Variants in VAC14 observed in about 807,000 individuals in gnomAD.
The protein encoded by VAC14 is protein VAC14 homolog.
A neutral mutation model predicts 85.3 loss-of-function variants in VAC14; 47 were observed. That is an observed-to-expected ratio of 0.55 (90% CI 0.44 to 0.70). The LOEUF is 0.70. Ranked by LOEUF, VAC14 falls within the 30% of genes least tolerant of loss-of-function variation. The probability of loss-of-function intolerance (pLI) is 0.00; values close to 1 mark genes in which losing one functional copy is unlikely to be tolerated. For synonymous variants in VAC14, 447 were observed against 430.5 expected, an observed-to-expected ratio of 1.04 and a Z score of -0.47; for missense variants, 861 against 1,004.3, an observed-to-expected ratio of 0.86 and a Z score of 1.93.
chr16:70,772,347 G>A (rs538527329), intron 9 of VAC14, 175 bp from the exon 10 acceptor site: 14 of 586,662 alleles, frequency 2.4e-5, no homozygotes, highest in South Asian at 1.3e-4. Context: ...AGTCATTCTC[G>A]ATAGTCCCCA....
chr16:70,784,627 G>T, intron 4 of VAC14, 149 bp downstream of exon 4: 1 of 803,914 alleles, frequency 1.2e-6, no homozygotes, highest in Non-Finnish European at 2.1e-6. Context: ...CGATATTCTT[G>T]TCATAGAACT....
At chr16:70,718,745 C>G (rs930085669) in intron 14 of VAC14, among the ~76,000 whole-genome samples, 1 of 152,106 alleles carries the variant, frequency 6.6e-6, no homozygotes, top group East Asian at 1.9e-4. Flanking sequence ...CCACTCACAG[C>G]ACCCCTCAGC....
intron 12 of VAC14, among the ~76,000 whole-genome samples, chr16:70,748,405 G>T (rs1321572653): frequency 1.3e-5 from 2 of 152,230 alleles, no homozygotes; most frequent in African/African-American, 4.8e-5. Context: ...ACCCAGTGAT[G>T]ATGCCTGGGG....
intron 14 of VAC14, among the ~76,000 whole-genome samples, chr16:70,712,947 A>T (rs2054067408): frequency 6.6e-6 from 1 of 152,142 alleles, no homozygotes; most frequent in South Asian, 2.1e-4. Flanking sequence ...TGGCCACGAT[A>T]GTGGAGCTTT....
chr16:70,787,943 G>C (rs376650156), intron 1 of VAC14, among the ~76,000 whole-genome samples: 2 of 152,228 alleles, frequency 1.3e-5, no homozygotes, highest in East Asian at 3.9e-4. Flanking sequence ...GGAAGCGTGA[G>C]GGATGACACT....
At chr16:70,764,811 C>G (rs147902750) in intron 10 of VAC14, among the ~76,000 whole-genome samples, 2 of 152,190 alleles carry the variant, frequency 1.3e-5, no homozygotes, top group Non-Finnish European at 2.9e-5. Context: ...ACGTGGCTGC[C>G]GCGGAGGCCC....
At position 70,714,665 on chromosome 16, in the gene VAC14, C is replaced by G. The variant is rs911964484; in HGVS notation, c.1662-15854G>C. 4 of 152,218 alleles carry G rather than the reference C, an allele frequency of 2.6e-5. No homozygotes were observed. In the East Asian group the frequency reaches 7.7e-4, roughly 29 times the overall value. 9.4% of individuals were successfully genotyped at this position (152,218 alleles called of 1,614,324 possible). A position where few individuals can be genotyped will look rare whatever the true frequency, so the allele number is the denominator to read the frequency against. ...AGCCAGCGTACCCTGAAGAGCCAAA[C>G]AAGTCCATGGCAGGGATGTCTGCGG... is the stretch of plus-strand genomic sequence containing the variant. On this transcript the variant is annotated intron_variant, in intron 14 of 18. Transcript: ENST00000261776.
At position 70,785,881 on chromosome 16, in the gene VAC14, CAGG is replaced by C. The variant is rs961199269; in HGVS notation, c.256-15_256-13del. ...TAGAGCCCTGAGTCCTGCAAGGAGG[CAGG>C]AGGAGAAGACAGATCAGAATGGGTT... On this transcript the variant is annotated splice_polypyrimidine_tract_variant and intron_variant, in intron 2 of 18. Coordinates refer to ENST00000261776, the MANE Select transcript of VAC14 (RefSeq NM_018052.5). 8 of 1,600,032 alleles carry C rather than the reference CAGG, an allele frequency of 5.0e-6. No individual in the cohort carries two copies. Among genetic ancestry groups the C allele is most frequent in the South Asian group, 4.5e-5 (4 of 89,182 alleles).
At chr16:70,789,462 G>A (rs1277182022) in intron 1 of VAC14, among the ~76,000 whole-genome samples, 2 of 152,222 alleles carry the variant, frequency 1.3e-5, no homozygotes, top group African/African-American at 4.8e-5. Context: ...GGAGGCCCAA[G>A]AATGGGGTTA....
rs370210919 is a variant in VAC14 at position 70,723,432 on chromosome 16, C to CAT, written c.1661+8061_1661+8062dup. ...CTGGCTATGAAGCCCAGTCACCCTT[C>CAT]ATAGCCTGGGTGACTGAGTGAGACC... On this transcript the variant is annotated intron_variant, in intron 14 of 18. Transcript: ENST00000261776. Among the ~76,000 whole-genome samples, 581 of 150,924 alleles carry CAT rather than the reference C, an allele frequency of 3.8e-3. 3 individuals are homozygous for CAT. The highest frequency in any genetic ancestry group is 0.015 in the South Asian group (71 of 4,740).
intron 12 of VAC14, among the ~76,000 whole-genome samples, chr16:70,754,451 G>A (rs918021189): frequency 6.6e-6 from 1 of 152,202 alleles, no homozygotes; most frequent in African/African-American, 2.4e-5. Context: ...GAAGGCTCAG[G>A]GCCGTGGCTG....
chr16:70,727,790 T>G (rs1051759083), intron 14 of VAC14, among the ~76,000 whole-genome samples: 1 of 152,216 alleles, frequency 6.6e-6, no homozygotes, highest in Non-Finnish European at 1.5e-5. Flanking sequence ...AAGCCACATG[T>G]TTGCAGGGCC....
chr16:70,700,700 T>C (rs1313449771), intron 14 of VAC14, among the ~76,000 whole-genome samples: 7 of 152,224 alleles, frequency 4.6e-5, no homozygotes. Context: ...CAGTGCTTCC[T>C]GGCCCCTCCC....
Position 70,731,545 on chromosome 16 carries a change from T to C in VAC14, c.1611A>G (p.Arg537=), listed in dbSNP as rs767926909. The C allele has an allele frequency of 1.9e-6, 3 of 1,614,122 alleles. No individual in the cohort carries two copies. The South Asian group carries it at 3.3e-5, about 18-fold the overall frequency. Residue 537 remains arginine, a synonymous_variant, in exon 14 of 19, where the codon AGA becomes AGG. Coordinates refer to ENST00000261776, the MANE Select transcript of VAC14 (RefSeq NM_018052.5). ...CCAGGAGCTTCCGTTCGCTGCTGAATCTCTTGAGAAGGTTGATCATGAACT... is the reference window on the plus strand; with the variant it reads ...CCAGGAGCTTCCGTTCGCTGCTGAACCTCTTGAGAAGGTTGATCATGAACT... ...FYKFMINLLK[R]FSSERKLLEV...
At chr16:70,743,911 C>T (rs757440617) in intron 13 of VAC14, among the ~76,000 whole-genome samples, 6 of 152,128 alleles carry the variant, frequency 3.9e-5, no homozygotes, top group African/African-American at 1.2e-4. Context: ...GACCGAGGGG[C>T]GAGTGCTGGG....
At chr16:70,708,763 C>T (rs1316686128) in intron 14 of VAC14, among the ~76,000 whole-genome samples, 5 of 152,214 alleles carry the variant, frequency 3.3e-5, no homozygotes, top group East Asian at 3.9e-4. Context: ...TGGAGAAAAA[C>T]GCAGTGTGAG....
intron 9 of VAC14, among the ~76,000 whole-genome samples, chr16:70,776,257 C>T (rs1331387142): frequency 2.0e-5 from 3 of 152,060 alleles, no homozygotes; most frequent in East Asian, 1.9e-4. Context: ...TGTGCCACCT[C>T]GCCCAGCTAA....
At chr16:70,691,645 T>G in intron 18 of VAC14, 1 of 985,472 alleles carries the variant, frequency 1.0e-6, no homozygotes, top group Non-Finnish European at 1.2e-6. Flanking sequence ...GTCCTGCCAC[T>G]GCAGGGCACT....
intron 14 of VAC14, among the ~76,000 whole-genome samples, chr16:70,724,302 C>T (rs1295446679): frequency 1.3e-5 from 2 of 152,176 alleles, no homozygotes; most frequent in African/African-American, 4.8e-5. Flanking sequence ...TTGGAGGAGG[C>T]AGAGCAAGGC....
Sources: gnomAD v4.1 joint callset for allele counts (sites outside exome capture counted in the v4.1 genomes callset) on GRCh38, gnomAD v4.1.1 for gene constraint, MANE v1.5 for transcripts, NCBI Gene and HGNC (gene_info 2026-07-23, HGNC 2026-07-21) for gene names.